MACF1: variants seen among roughly 807,000 people sequenced by gnomAD.
The protein encoded by MACF1 is microtubule-actin cross-linking factor 1.
MACF1 carries 193 observed loss-of-function variants against 854.8 expected under a neutral mutation model. The ratio of observed to expected loss-of-function variants is 0.23; its 90% confidence interval spans 0.20 to 0.25. MACF1 has a LOEUF of 0.25. Among genes scored for constraint, MACF1 ranks in the 10% least tolerant of loss-of-function variants. The pLI, the probability that MACF1 is intolerant of heterozygous loss-of-function variation, is 1.00. For synonymous variants in MACF1, 3,185 were observed against 3,226.7 expected (o/e 0.99, Z 0.44); for missense variants, 7,722 against 8,929.1 (o/e 0.86, Z 5.45).
At chr1:39,103,668 A>T (rs1642150840) in intron 2 of MACF1, 1 of 152,328 alleles carries the variant, frequency 6.6e-6, no homozygotes. Context: ...CACCAAACTG[A>T]GAACTAGTTT....
In MACF1 at chr1:39,356,912, A is replaced by G. The variant is rs139907846; in HGVS notation, c.11425-463A>G. Among the ~76,000 whole-genome samples the G allele has an allele frequency of 6.6e-5, 10 of 152,356 alleles. No individual in the cohort carries two copies. The East Asian group carries it at 1.9e-3, about 29-fold the overall frequency. On this transcript the variant is annotated intron_variant, in intron 44 of 100. Coordinates refer to ENST00000564288, the MANE Select transcript of MACF1 (RefSeq NM_001394062.1). Reference sequence around the variant, plus strand: ...CATTATAGGTCGTGCCACAAAGCAAATGAGATAATACATGTAAAATCTCTT... The same window carrying G: ...CATTATAGGTCGTGCCACAAAGCAAGTGAGATAATACATGTAAAATCTCTT...
chr1:39,315,722 C>T, intron 27 of MACF1, 31 bp downstream of exon 27: 16 of 1,598,824 alleles, frequency 1.0e-5, no homozygotes, highest in Non-Finnish European at 1.4e-5. Context: ...GGTCCAAGAG[C>T]AATATTTTCC....
chr1:39,243,557 A>C (rs1271006829), intron 2 of MACF1, among the ~76,000 whole-genome samples: 1 of 152,154 alleles, frequency 6.6e-6, no homozygotes, highest in East Asian at 1.9e-4. Context: ...ATGCACCACC[A>C]CACCTGGCTG....
At chr1:39,421,059 G>T (rs971965635) in intron 58 of MACF1, among the ~76,000 whole-genome samples, 1 of 151,926 alleles carries the variant, frequency 6.6e-6, no homozygotes, top group Non-Finnish European at 1.5e-5. Flanking sequence ...TAGAGACAGG[G>T]TTTCACCATG....
At chr1:39,142,385 G>GT (rs1361808426) in intron 2 of MACF1, among the ~76,000 whole-genome samples, 1 of 152,296 alleles carries the variant, frequency 6.6e-6, no homozygotes, top group Non-Finnish European at 1.5e-5. Flanking sequence ...GATGGATGGA[G>GT]TATTTGGGCC....
intron 1 of MACF1, chr1:39,206,390 A>G (rs941144681): frequency 6.6e-6 from 1 of 152,206 alleles, no homozygotes; most frequent in African/African-American, 2.4e-5. Context: ...AAATAAATAC[A>G]ATATCATTTA....
At chr1:39,089,572 C>T (rs1354120343) in intron 2 of MACF1, among the ~76,000 whole-genome samples, 1 of 152,174 alleles carries the variant, frequency 6.6e-6, no homozygotes, top group Non-Finnish European at 1.5e-5. Context: ...CCCATCTTAC[C>T]CTTTTTGCCC....
intron 22 of MACF1, among the ~76,000 whole-genome samples, chr1:39,302,609 G>A (rs1375757591): frequency 6.6e-6 from 1 of 152,132 alleles, no homozygotes; most frequent in Non-Finnish European, 1.5e-5. Context: ...TTTTACTCTA[G>A]TAGATTTTTG....
intron 2 of MACF1, among the ~76,000 whole-genome samples, chr1:39,090,734 ATCATTTC>A (rs1641781348): frequency 6.6e-6 from 1 of 152,236 alleles, no homozygotes; most frequent in Admixed American, 6.5e-5. Context: ...GTGGAAGGCC[ATCATTTC>A]TCAGTCTCAT....
At chr1:39,457,082 C>G (rs970224590) in intron 89 of MACF1, 6 of 152,252 alleles carry the variant, frequency 3.9e-5, no homozygotes, top group African/African-American at 1.4e-4. Context: ...TAAGATTTAT[C>G]TGGTCTAACA....
chr1:39,399,366 T>C (rs1031155761), intron 58 of MACF1, among the ~76,000 whole-genome samples: 1 of 139,688 alleles, frequency 7.2e-6, no homozygotes, highest in Admixed American at 7.1e-5. Flanking sequence ...CACTTCTTTA[T>C]AAAGCTTTTT....
At chr1:39,437,397 G>A (rs1268707309) in intron 70 of MACF1, among the ~76,000 whole-genome samples, 1 of 151,564 alleles carries the variant, frequency 6.6e-6, no homozygotes, top group Non-Finnish European at 1.5e-5. Flanking sequence ...TGCAACCTCT[G>A]CCTCTCGGGT....
chr1:39,102,940 C>T, intron 2 of MACF1: 1 of 701,606 alleles, frequency 1.4e-6, no homozygotes, highest in Non-Finnish European at 2.6e-6. Flanking sequence ...TTCCTCTAGC[C>T]TTGTAAAATT....
chr1:39,349,581 C>G lies in MACF1; in HGVS notation c.10919C>G (p.Thr3640Ser). 3 of 1,614,198 alleles carry G rather than the reference C, an allele frequency of 1.9e-6. No individual in the cohort carries two copies. The highest frequency in any genetic ancestry group is 2.2e-5 in the South Asian group (2 of 91,082). The change falls in exon 42 of 101, where the codon ACC (threonine) becomes AGC (serine). Residue 3640 changes from threonine to serine, a missense_variant. This residue lies in a region of MACF1 where 2,807 missense variants were observed against 3,235.8 expected (regional missense o/e 0.87). Coordinates refer to ENST00000564288, the MANE Select transcript of MACF1 (RefSeq NM_001394062.1). ...RALAGHQGRT[T>S]QQDLSALQKN... ...CTGGCAGGCCACCAAGGCAGAACCA[C>G]CCAGCAGGATCTCTCTGCTTTGCAG...
intron 2 of MACF1, among the ~76,000 whole-genome samples, chr1:39,169,613 A>G (rs1425564484): frequency 1.3e-5 from 2 of 151,618 alleles, no homozygotes; most frequent in African/African-American, 4.8e-5. Flanking sequence ...TCAAAAAAAA[A>G]AAAAAAAAGA....
intron 2 of MACF1, among the ~76,000 whole-genome samples, chr1:39,178,758 A>T (rs1644066137): frequency 6.6e-6 from 1 of 152,216 alleles, no homozygotes; most frequent in East Asian, 1.9e-4. Flanking sequence ...GAATTCCTTC[A>T]TGAGGCATGG....
At chr1:39,269,689 C>T in intron 6 of MACF1, 1 of 1,289,388 alleles carries the variant, frequency 7.8e-7, no homozygotes, top group South Asian at 1.2e-5. Context: ...TCTCTGGAGG[C>T]AAGCCACACC....
intron 100 of MACF1, 92 bp downstream of exon 100, chr1:39,484,822 A>G: frequency 1.4e-6 from 2 of 1,459,426 alleles, no homozygotes; most frequent in Non-Finnish European, 1.9e-6. Flanking sequence ...GGAGCGGGTA[A>G]TGAGAGTGGC....
At chr1:39,227,194 A>G (rs1308855041) in intron 1 of MACF1, among the ~76,000 whole-genome samples, 1 of 152,180 alleles carries the variant, frequency 6.6e-6, no homozygotes, top group East Asian at 1.9e-4. Context: ...GATTACAGGC[A>G]TAAGCCACCT....
Sources: allele counts gnomAD v4.1 joint callset (sites outside exome capture counted in the v4.1 genomes callset), GRCh38; gene constraint gnomAD v4.1.1; regional missense constraint gnomAD v4.1.1; transcripts MANE v1.5; gene names NCBI Gene and HGNC (gene_info 2026-07-23, HGNC 2026-07-21).